The following PIWIL4 variants were observed in gnomAD, a reference collection of about 807,000 sequenced individuals.
PIWIL4 encodes the protein piwi like RNA-mediated gene silencing 4, also known as piwi-like protein 4.
In PIWIL4, 50 loss-of-function variants were observed where a neutral mutation model predicts 100.9. The ratio of observed to expected loss-of-function variants is 0.50; its 90% CI spans 0.39 to 0.63. The LOEUF is 0.63. Among genes scored for constraint, PIWIL4 ranks in the 20% least tolerant of loss-of-function variants. The pLI is 0.00. For missense variants in PIWIL4, 887 were observed against 1,043.3 expected, an observed-to-expected ratio of 0.85 and a Z score of 2.06; for synonymous variants, 342 against 367.5, an observed-to-expected ratio of 0.93 and a Z score of 0.79.
At chr11:94,607,117 C>T (rs915618014) in intron 13 of PIWIL4, among the ~76,000 whole-genome samples, 2 of 151,948 alleles carry the variant, frequency 1.3e-5, no homozygotes, top group Non-Finnish European at 1.5e-5. Context: ...GGAGAAGCAG[C>T]TCTGTGAGAA....
intron 10 of PIWIL4, among the ~76,000 whole-genome samples, chr11:94,595,702 TAAAGAA>T (rs1418767338): frequency 6.6e-6 from 1 of 152,104 alleles, no homozygotes; most frequent in Non-Finnish European, 1.5e-5. Flanking sequence ...AAATGTTGAA[TAAAGAA>T]AAAGGTTATA....
Position 94,616,373 on chromosome 11 carries a change from T to G in PIWIL4, c.1944-120T>G, listed in dbSNP as rs971340883. 3 of 858,296 alleles carry G rather than the reference T, an allele frequency of 3.5e-6. No individual in the cohort carries two copies. The East Asian group carries it at 8.2e-5, about 23-fold the overall frequency. The allele number at this position is 858,296 out of a possible 1,614,324, so 53.2% of individuals were successfully genotyped here. A position where few individuals can be genotyped will look rare whatever the true frequency, so the allele number is the denominator to read the frequency against. ...GATATAATTGTGAACACATAACACA[T>G]ACAAAATTGCGAACATTGATTTTTA... On this transcript the variant is annotated intron_variant, in intron 15 of 19. Transcript: ENST00000299001.
At chr11:94,585,342 A>G (rs1591784228) in intron 5 of PIWIL4, 103 bp from the exon 6 acceptor site, 2 of 750,358 alleles carry the variant, frequency 2.7e-6, no homozygotes, top group East Asian at 2.6e-5. Flanking sequence ...AGAGGTCTGT[A>G]TTTCCTATAT....
At chr11:94,616,389 T>C (rs927138828) in intron 15 of PIWIL4, 104 bp from the exon 16 acceptor site, 3 of 1,043,566 alleles carry the variant, frequency 2.9e-6, no homozygotes, top group Admixed American at 2.7e-5. Context: ...ATTGCGAACA[T>C]TGATTTTTAC....
At chr11:94,577,176 G>A (rs1036231727) in intron 3 of PIWIL4, 102 bp from the exon 4 acceptor site, 2 of 946,674 alleles carry the variant, frequency 2.1e-6, no homozygotes, top group Non-Finnish European at 3.1e-6. Context: ...TTGCTTTAAA[G>A]CAACTACTAT....
intron 15 of PIWIL4, among the ~76,000 whole-genome samples, chr11:94,612,831 A>C (rs979293907): frequency 5.9e-5 from 9 of 151,974 alleles, no homozygotes; most frequent in Non-Finnish European, 1.2e-4. Flanking sequence ...TCTCCCCTAC[A>C]TTTTATGTTT....
chr11:94,569,398 G>A (rs1452017121), intron 2 of PIWIL4, among the ~76,000 whole-genome samples: 2 of 151,708 alleles, frequency 1.3e-5, no homozygotes, highest in Non-Finnish European at 2.9e-5. Flanking sequence ...TTGTTTTTGA[G>A]ATGGAGTTTT....
At chr11:94,573,487 T>G (rs1948189144) in intron 2 of PIWIL4, among the ~76,000 whole-genome samples, 1 of 152,206 alleles carries the variant, frequency 6.6e-6, no homozygotes, top group Non-Finnish European at 1.5e-5. Context: ...TATTGAGAGT[T>G]TTTAGCATGA....
At chr11:94,615,060 T>C (rs1192665065) in intron 15 of PIWIL4, among the ~76,000 whole-genome samples, 1 of 152,184 alleles carries the variant, frequency 6.6e-6, no homozygotes, top group Non-Finnish European at 1.5e-5. Flanking sequence ...TGTGAGTCAG[T>C]TGAGGTGCTC....
chr11:94,593,476 C>T (rs1417285837), intron 8 of PIWIL4, 42 bp from the exon 9 acceptor site: 2 of 1,592,360 alleles, frequency 1.3e-6, no homozygotes, highest in Admixed American at 1.7e-5. Context: ...CCTGGCGGTG[C>T]TTCCATGTTA....
chr11:94,589,882 T>A (rs750478478), intron 8 of PIWIL4, among the ~76,000 whole-genome samples: 2 of 152,140 alleles, frequency 1.3e-5, no homozygotes, highest in Non-Finnish European at 2.9e-5. Flanking sequence ...TCCTTGTTTT[T>A]GGATTCCCAG....
chr11:94,586,884 G>A (rs1948407442), intron 6 of PIWIL4, among the ~76,000 whole-genome samples, 166 bp from the exon 7 acceptor site: 1 of 152,084 alleles, frequency 6.6e-6, no homozygotes, highest in Non-Finnish European at 1.5e-5. Context: ...AGACACTGCA[G>A]CTGAAAAAAA....
At chr11:94,592,205 G>A (rs1212918780) in intron 8 of PIWIL4, among the ~76,000 whole-genome samples, 1 of 152,156 alleles carries the variant, frequency 6.6e-6, no homozygotes, top group Non-Finnish European at 1.5e-5. Context: ...ATCAATCCTA[G>A]CTGTGCTAAT....
At chr11:94,607,234 A>G (rs1948732824) in intron 13 of PIWIL4, among the ~76,000 whole-genome samples, 1 of 152,138 alleles carries the variant, frequency 6.6e-6, no homozygotes, top group African/African-American at 2.4e-5. Context: ...GTGAATGGCT[A>G]ATGAGAAGGC....
At chr11:94,592,681 T>C (rs548771798) in intron 8 of PIWIL4, among the ~76,000 whole-genome samples, 1 of 152,362 alleles carries the variant, frequency 6.6e-6, no homozygotes, top group South Asian at 2.1e-4. Flanking sequence ...TTGTAAATTA[T>C]AATTCCAGTT....
intron 15 of PIWIL4, among the ~76,000 whole-genome samples, chr11:94,614,018 T>A (rs1252776100): frequency 6.6e-6 from 1 of 152,154 alleles, no homozygotes; most frequent in Non-Finnish European, 1.5e-5. Flanking sequence ...TGCCTCAGCC[T>A]CCCAAAGTGC....
Position 94,595,248 on chromosome 11 carries a change from C to T in PIWIL4, c.1151-61C>T, listed in dbSNP as rs573477543. On this transcript the variant is annotated intron_variant, in intron 9 of 19. Coordinates refer to ENST00000299001, the MANE Select transcript of PIWIL4 (RefSeq NM_152431.3). ...TCAAGTGGAAAGGTTTAAACTGGGC[C>T]TTTGATGGGCTGAGTTGCTTATGTT... is the stretch of plus-strand genomic sequence containing the variant. 2.7e-5 allele frequency: 38 copies of T among 1,426,858 alleles called. 2 individuals are homozygous for T. The African/African-American group carries it at 2.9e-4, about 11-fold the overall frequency. The allele number at this position is 1,426,858 out of a possible 1,614,324, so 88.4% of individuals were successfully genotyped here. A position where few individuals can be genotyped will look rare whatever the true frequency, so the allele number is the denominator to read the frequency against.
rs116786100 is a variant in PIWIL4, at chr11:94,602,602, T to C, written c.1565+623T>C. Among the ~76,000 whole-genome samples, 1,201 of 152,286 alleles carry C rather than the reference T, an allele frequency of 7.9e-3. 15 individuals are homozygous for C. The highest frequency in any genetic ancestry group is 0.027 in the African/African-American group (1,141 of 41,554). ...TTTTTCATTGAGTAAGAGATACATA[T>C]ACAATCACACTGAAAATAAATACTG... On this transcript the variant is annotated intron_variant, in intron 12 of 19. Transcript: ENST00000299001.
At chr11:94,617,796 A>G in intron 16 of PIWIL4, 158 bp from the exon 17 acceptor site, 1 of 672,774 alleles carries the variant, frequency 1.5e-6, no homozygotes, top group African/African-American at 1.8e-5. Flanking sequence ...AAAGTTATCC[A>G]TTGTTATATT....
Sources: allele counts gnomAD v4.1 joint callset (sites outside exome capture counted in the v4.1 genomes callset), GRCh38; gene constraint gnomAD v4.1.1; transcripts MANE v1.5; gene names NCBI Gene and HGNC (gene_info 2026-07-23, HGNC 2026-07-21).